NOVA1: variants seen among roughly 807,000 people sequenced by gnomAD.
The protein encoded by NOVA1 is NOVA alternative splicing regulator 1.
A neutral mutation model predicts 38.0 loss-of-function variants in NOVA1; 7 were observed. The observed-to-expected ratio is 0.18, with a 90% CI of 0.10 to 0.35. The LOEUF (loss-of-function observed/expected upper bound fraction) is 0.35, where lower values mean the gene tolerates loss of function less well. Ranked by LOEUF, NOVA1 falls within the 10% of genes least tolerant of loss-of-function variation. The pLI is 1.00. For synonymous variants in NOVA1, 270 were observed against 232.5 expected, an observed-to-expected ratio of 1.16 and a Z score of -1.47; for missense variants, 460 against 616.0, an observed-to-expected ratio of 0.75 and a Z score of 2.68.
At chr14:26,560,808 C>T (rs1891773936) in intron 2 of NOVA1, among the ~76,000 whole-genome samples, 2 of 152,132 alleles carry the variant, frequency 1.3e-5, no homozygotes, top group African/African-American at 4.8e-5. Context: ...ACTAATTCAG[C>T]TGATACATGA....
At chr14:26,485,893 G>A (rs1176877719) in intron 2 of NOVA1, among the ~76,000 whole-genome samples, 2 of 152,074 alleles carry the variant, frequency 1.3e-5, no homozygotes, top group Non-Finnish European at 2.9e-5. Flanking sequence ...CAAAAATGTA[G>A]TAGAAAATTT....
chr14:26,529,831 T>C (rs1269972851), intron 2 of NOVA1, among the ~76,000 whole-genome samples: 22 of 152,218 alleles, frequency 1.4e-4, no homozygotes, highest in Admixed American at 1.3e-3. Context: ...TTGTTTTTCA[T>C]GTTGTCCTTT....
Position 26,596,454 on chromosome 14 carries a change from T to C in NOVA1, c.136+847A>G, listed in dbSNP as rs144401509. The C allele has an allele frequency of 1.1e-3, 1,054 of 960,024 alleles. 10 individuals carry two copies. The African/African-American group carries it at 0.016, about 15-fold the overall frequency. 59.5% of individuals were successfully genotyped at this position (960,024 alleles called of 1,614,324 possible). The stretch of plus-strand genomic sequence containing the variant: ...TTTCCGTCAACTTGATCACATCTTA[T>C]ACAGGAGACACCCCGGTAAATCCAG... On this transcript the variant is annotated intron_variant, in intron 1 of 4. Transcript: ENST00000539517.
chr14:26,591,088 G>A (rs1224779636), intron 2 of NOVA1, among the ~76,000 whole-genome samples: 1 of 151,542 alleles, frequency 6.6e-6, no homozygotes, highest in Non-Finnish European at 1.5e-5. Flanking sequence ...AATACAGATT[G>A]CGCTATGCCA....
At chr14:26,516,881 A>C (rs1888506575) in intron 2 of NOVA1, among the ~76,000 whole-genome samples, 2 of 149,364 alleles carry the variant, frequency 1.3e-5, no homozygotes, top group Admixed American at 6.7e-5. Context: ...TGTTCTGGCC[A>C]CTGCCTAGCT....
At position 26,489,946 on chromosome 14, in the gene NOVA1, TCTCA is replaced by T. The variant is rs200523183; in HGVS notation, c.281-9807_281-9804del. Among the ~76,000 whole-genome samples, 309 of 152,338 alleles carry T rather than the reference TCTCA, an allele frequency of 2.0e-3. 1 individual carries two copies. Among genetic ancestry groups the T allele is most frequent in the East Asian group, 0.013 (67 of 5,174 alleles). The stretch of plus-strand genomic sequence containing the variant: ...TTAAATTCAAATGTTGTACATATAC[TCTCA>T]CTATCTCTTTCCAAAAGTTTTTCAT... On this transcript the variant is annotated intron_variant, in intron 2 of 4. Transcript: ENST00000539517.
At chr14:26,530,774 G>A (rs1359529594) in intron 2 of NOVA1, among the ~76,000 whole-genome samples, 1 of 152,146 alleles carries the variant, frequency 6.6e-6, no homozygotes, top group East Asian at 1.9e-4. Context: ...AACATAAAAA[G>A]TATGACTACT....
At chr14:26,468,552 T>C (rs1004499842) in intron 4 of NOVA1, among the ~76,000 whole-genome samples, 2 of 152,148 alleles carry the variant, frequency 1.3e-5, no homozygotes, top group African/African-American at 2.4e-5. Context: ...TAATTTGTTA[T>C]ACAGCAATAG....
chr14:26,544,898 T>C (rs1015564521), intron 2 of NOVA1, among the ~76,000 whole-genome samples: 1 of 152,072 alleles, frequency 6.6e-6, no homozygotes, highest in Non-Finnish European at 1.5e-5. Context: ...TCTCTTCTAA[T>C]AAACCCGTTA....
Position 26,447,639 on chromosome 14 carries a change from C to G in NOVA1, c.*320G>C. On this transcript the variant is annotated 3_prime_UTR_variant, in exon 5 of 5. Coordinates refer to ENST00000539517, the MANE Select transcript of NOVA1 (RefSeq NM_002515.3). ...TCTAGAACTAATACTGAAAACTATA[C>G]GCATATCCCTGTCTACATTCAATCA... The G allele has an allele frequency of 1.2e-5, 4 of 332,936 alleles. No individual in the cohort carries two copies. In the South Asian group the frequency reaches 1.5e-4, roughly 13 times the overall value. The allele number at this position is 332,936 out of a possible 1,614,324, so 20.6% of individuals were successfully genotyped here.
chr14:26,558,886 AAT>A (rs1373055636), intron 2 of NOVA1, among the ~76,000 whole-genome samples: 3 of 152,118 alleles, frequency 2.0e-5, no homozygotes, highest in Non-Finnish European at 2.9e-5. Flanking sequence ...ATTAGGATGG[AAT>A]AAGGTAATAT....
intron 2 of NOVA1, among the ~76,000 whole-genome samples, chr14:26,554,025 T>C (rs1249042029): frequency 6.6e-6 from 1 of 151,478 alleles, no homozygotes. Flanking sequence ...GGCATGCACC[T>C]GTAATCCCAG....
At chr14:26,468,120 A>G (rs941809584) in intron 4 of NOVA1, among the ~76,000 whole-genome samples, 3 of 152,138 alleles carry the variant, frequency 2.0e-5, no homozygotes, top group Non-Finnish European at 2.9e-5. Context: ...GGTTCAATAT[A>G]TAAGACTCCA....
chr14:26,452,784 G>A (rs1882814748), intron 4 of NOVA1, among the ~76,000 whole-genome samples: 1 of 152,154 alleles, frequency 6.6e-6, no homozygotes. Flanking sequence ...GATTATATTT[G>A]CTAGCATCTA....
rs909849872 is a variant in NOVA1, at chr14:26,447,897, A to G, written c.*62T>C. ...AAACTTCACTTCTGCAAAGTACAGT[A>G]CATCCTTCTTGAAAATGGGGTAAAG... is the stretch of plus-strand genomic sequence containing the variant. On this transcript the variant is annotated 3_prime_UTR_variant, in exon 5 of 5. Coordinates refer to ENST00000539517, the MANE Select transcript of NOVA1 (RefSeq NM_002515.3). The G allele has an allele frequency of 4.1e-5, 55 of 1,345,714 alleles. No homozygotes were observed. The highest frequency in any genetic ancestry group is 5.0e-5 in the Non-Finnish European group (47 of 945,242). The allele number at this position is 1,345,714 out of a possible 1,614,324, so 83.4% of individuals were successfully genotyped here.
At chr14:26,594,677 T>C (rs1894070005) in intron 2 of NOVA1, among the ~76,000 whole-genome samples, 1 of 151,934 alleles carries the variant, frequency 6.6e-6, no homozygotes, top group South Asian at 2.1e-4. Flanking sequence ...AAGATGGACA[T>C]GCAGAACTAT....
intron 2 of NOVA1, among the ~76,000 whole-genome samples, chr14:26,579,765 T>C (rs1161336955): frequency 6.6e-6 from 1 of 152,122 alleles, no homozygotes; most frequent in Non-Finnish European, 1.5e-5. Flanking sequence ...CTCTGAAAGA[T>C]ACGTTTAGTA....
chr14:26,587,046 C>T (rs1950410), intron 2 of NOVA1, among the ~76,000 whole-genome samples: 52,702 of 150,146 alleles, frequency 0.35, 11,296 homozygotes, highest in African/African-American at 0.6. Flanking sequence ...AAGTACCTAC[C>T]ACAATTGCAC....
chr14:26,533,262 T>C (rs372691940), intron 2 of NOVA1, among the ~76,000 whole-genome samples: 47 of 152,320 alleles, frequency 3.1e-4, no homozygotes, highest in African/African-American at 1.1e-3. Context: ...TAGTCTTTCC[T>C]TCATTTCTAT....
Sources: allele counts gnomAD v4.1 joint callset (sites outside exome capture counted in the v4.1 genomes callset), GRCh38; gene constraint gnomAD v4.1.1; transcripts MANE v1.5; gene names NCBI Gene and HGNC (gene_info 2026-07-23, HGNC 2026-07-21).